Variants in C12orf42 observed in about 807,000 individuals in gnomAD.
C12orf42 encodes the protein uncharacterized protein C12orf42.
In C12orf42, 25 loss-of-function variants were observed where a neutral mutation model predicts 21.6. That is an observed-to-expected ratio of 1.16 (90% CI 0.84 to 1.62). C12orf42 has a LOEUF of 1.62. C12orf42 is among the 40% of genes most tolerant of loss of function. The probability of loss-of-function intolerance (pLI) is 0.00; values close to 1 mark genes in which losing one functional copy is unlikely to be tolerated. For missense variants in C12orf42, 483 were observed against 459.3 expected (o/e 1.05, Z -0.47); for synonymous variants, 174 against 175.0 (o/e 0.99, Z 0.05).
chr12:103,515,733 TTAAATAAA>T, the C12orf42 span, among the ~76,000 whole-genome samples: 1 of 152,142 alleles, frequency 6.6e-6, no homozygotes, highest in Non-Finnish European at 1.5e-5. Context: ...CAAGACTGCA[TTAAATAAA>T]AAGAAATGTT....
chr12:103,391,541 T>C (rs1195840948), intron 3 of C12orf42, among the ~76,000 whole-genome samples: 1 of 152,162 alleles, frequency 6.6e-6, no homozygotes, highest in Non-Finnish European at 1.5e-5. Context: ...CATGTGCCTA[T>C]TGGCCATTTG....
chr12:103,155,594 T>G, the C12orf42 span, among the ~76,000 whole-genome samples: 18 of 151,996 alleles, frequency 1.2e-4, no homozygotes, highest in Non-Finnish European at 1.5e-4. Flanking sequence ...TAATTCAGGT[T>G]ATTTCTAAAG....
At chr12:103,281,964 A>C (rs1402159925) in intron 4 of C12orf42, among the ~76,000 whole-genome samples, 2 of 150,446 alleles carry the variant, frequency 1.3e-5, no homozygotes, top group African/African-American at 4.9e-5. Flanking sequence ...AGAAAGAAAG[A>C]GATCGATCCT....
At chr12:103,277,316 T>C in intron 4 of C12orf42, 1 of 281,966 alleles carries the variant, frequency 3.5e-6, no homozygotes, top group Non-Finnish European at 6.9e-6. Flanking sequence ...TACTATTTAA[T>C]GAAAAGTAAC....
At chr12:103,266,366 C>T (rs374254515), downstream of C12orf42, among the ~76,000 whole-genome samples, 17 of 152,154 alleles carry the variant, frequency 1.1e-4, no homozygotes, top group African/African-American at 3.6e-4. Context: ...TAAATGATAT[C>T]ATTTAGGAAA....
At chr12:103,258,396 A>C (rs2034718554) in intron 10 of C12orf42, among the ~76,000 whole-genome samples, 1 of 152,124 alleles carries the variant, frequency 6.6e-6, no homozygotes, top group African/African-American at 2.4e-5. Flanking sequence ...ATAATGAAGC[A>C]TTCAATTTAA....
chr12:103,299,181 A>T (rs1284850238), downstream of C12orf42, among the ~76,000 whole-genome samples: 4 of 151,992 alleles, frequency 2.6e-5, no homozygotes, highest in Admixed American at 6.6e-5. Context: ...TACAGTTTTT[A>T]AAAAAATATT....
intron 4 of C12orf42, among the ~76,000 whole-genome samples, chr12:103,322,124 C>T (rs949619462): frequency 7.8e-4 from 46 of 59,284 alleles, no homozygotes; most frequent in Middle Eastern, 0.01. Context: ...CGCGCGCGCG[C>T]GCACACACAC....
chr12:103,360,335 G>A (rs2043981939), intron 4 of C12orf42, among the ~76,000 whole-genome samples: 1 of 151,628 alleles, frequency 6.6e-6, no homozygotes, highest in African/African-American at 2.4e-5. Context: ...CCACAATGCT[G>A]CTCATCTGTC....
At chr12:103,253,676 A>T (rs2034417235) in intron 10 of C12orf42, among the ~76,000 whole-genome samples, 1 of 152,124 alleles carries the variant, frequency 6.6e-6, no homozygotes, top group Non-Finnish European at 1.5e-5. Context: ...GACTTTGCTG[A>T]AGTTGAAGTT....
chr12:103,321,579 G>A lies in C12orf42; in HGVS notation c.260-15234C>T, dbSNP rs546621383. ...ACACATGCACACGTATGTTTATTGC[G>A]GCACTATTCACAATAGCAAAGACTT... On this transcript the variant is annotated intron_variant, in intron 4 of 5. Coordinates refer to ENST00000548883, the MANE Select transcript of C12orf42 (RefSeq NM_198521.5). Among the ~76,000 whole-genome samples the A allele has an allele frequency of 1.1e-4, 16 of 143,374 alleles. No individual in the cohort carries two copies. In the East Asian group the frequency reaches 2.5e-3, roughly 22 times the overall value. The allele number at this position is 143,374 out of a possible 152,430, so 94.1% of individuals were successfully genotyped here. A position where few individuals can be genotyped will look rare whatever the true frequency, so the allele number is the denominator to read the frequency against.
chr12:103,474,587 T>C (rs1953903025), intron 2 of C12orf42, among the ~76,000 whole-genome samples: 1 of 152,090 alleles, frequency 6.6e-6, no homozygotes, highest in African/African-American at 2.4e-5. Flanking sequence ...CCATGATAAG[T>C]TTGTAAATGT....
chr12:103,299,443 C>T (rs1431987338), downstream of C12orf42, among the ~76,000 whole-genome samples: 4 of 151,894 alleles, frequency 2.6e-5, no homozygotes, highest in Non-Finnish European at 2.9e-5. Context: ...CTTCAGTGCA[C>T]CAAATTTTTA....
intron 4 of C12orf42, among the ~76,000 whole-genome samples, chr12:103,343,501 G>A (rs1426486135): frequency 3.3e-5 from 5 of 152,058 alleles, no homozygotes; most frequent in South Asian, 2.1e-4. Flanking sequence ...TTCTGAGGCC[G>A]GGCATGGTGG....
At chr12:103,280,047 T>C (rs557311816) in intron 4 of C12orf42, among the ~76,000 whole-genome samples, 6 of 152,298 alleles carry the variant, frequency 3.9e-5, no homozygotes, top group South Asian at 4.2e-4. Flanking sequence ...ACATCAACAA[T>C]AATAATATTA....
chr12:103,124,667 A>T, the C12orf42 span, among the ~76,000 whole-genome samples: 1 of 152,156 alleles, frequency 6.6e-6, no homozygotes, highest in African/African-American at 2.4e-5. Context: ...AGAAGGACAG[A>T]GAGGGGCCTT....
chr12:103,116,313 G>C, the C12orf42 span, among the ~76,000 whole-genome samples: 1 of 150,366 alleles, frequency 6.7e-6, no homozygotes, highest in Admixed American at 6.6e-5. Flanking sequence ...GCGGTGAGCT[G>C]AGATCACGCC....
chr12:103,403,625 C>A (rs2048201050), intron 2 of C12orf42, among the ~76,000 whole-genome samples: 1 of 152,186 alleles, frequency 6.6e-6, no homozygotes, highest in South Asian at 2.1e-4. Context: ...CCTTTGAACC[C>A]CAGCTGCTGG....
At chr12:103,462,152 G>A (rs979482043) in intron 2 of C12orf42, among the ~76,000 whole-genome samples, 2 of 94,012 alleles carry the variant, frequency 2.1e-5, no homozygotes, top group Non-Finnish European at 4.0e-5. Context: ...TTGTTGCCCA[G>A]GCTGGAGTGC....
Sources: gnomAD v4.1 joint callset for allele counts (sites outside exome capture counted in the v4.1 genomes callset) on GRCh38, gnomAD v4.1.1 for gene constraint, MANE v1.5 for transcripts, NCBI Gene and HGNC (gene_info 2026-07-23, HGNC 2026-07-21) for gene names.